C20orf203: variants seen among roughly 807,000 people sequenced by gnomAD.
The protein encoded by C20orf203 is uncharacterized protein C20orf203.
In C20orf203, 16 loss-of-function variants were observed where a neutral mutation model predicts 15.9. That is an observed-to-expected ratio of 1.01 (90% CI 0.68 to 1.53). The LOEUF (loss-of-function observed/expected upper bound fraction) is 1.53. Among genes scored for constraint, C20orf203 ranks in the 40% most tolerant of loss-of-function variants. The probability of loss-of-function intolerance (pLI) is 0.00; values close to 1 mark genes in which losing one functional copy is unlikely to be tolerated. For synonymous variants in C20orf203, 98 were observed against 97.2 expected, an observed-to-expected ratio of 1.01 and a Z score of -0.05; for missense variants, 263 against 247.5, an observed-to-expected ratio of 1.06 and a Z score of -0.42.
intron 1 of C20orf203, among the ~76,000 whole-genome samples, chr20:32,672,454 T>C (rs1983196425): frequency 6.6e-6 from 1 of 152,044 alleles, no homozygotes; most frequent in African/African-American, 2.4e-5. Context: ...ATGCCTGTAG[T>C]CCTAGCTACT....
At position 32,673,741 on chromosome 20, in the gene C20orf203, T is replaced by C. The variant is rs978031271; in HGVS notation, c.-373A>G. 1.3e-5 allele frequency: 2 copies of C among 152,274 alleles called. No individual in the cohort carries two copies. The highest frequency in any genetic ancestry group is 6.5e-5 in the Admixed American group (1 of 15,274). 9.4% of individuals were successfully genotyped at this position (152,274 alleles called of 1,614,324 possible). A position where few individuals can be genotyped will look rare whatever the true frequency, so the allele number is the denominator to read the frequency against. On this transcript the variant is annotated 5_prime_UTR_variant, in exon 1 of 6. Transcript: ENST00000608990. ...ATTCTTCAAGGGCACATAAAACATA[T>C]CTGCCTTTGCTCACTGTGATGTCTC...
chr20:32,651,993 G>A lies in C20orf203; in HGVS notation c.-263-12C>T, dbSNP rs1982641321. The A allele has an allele frequency of 6.6e-6, 1 of 152,206 alleles. No homozygotes were observed. Among genetic ancestry groups the A allele is most frequent in the Non-Finnish European group, 1.5e-5 (1 of 68,064 alleles). 9.4% of individuals were successfully genotyped at this position (152,206 alleles called of 1,614,324 possible). A position where few individuals can be genotyped will look rare whatever the true frequency, so the allele number is the denominator to read the frequency against. On this transcript the variant is annotated splice_polypyrimidine_tract_variant and intron_variant, in intron 1 of 5. Transcript: ENST00000608990. ...AAGGGGACCCCAGTCTGGAAGGAGAGAGAAAACACACATACAAATAACTAG... is the reference window on the plus strand; with the variant it reads ...AAGGGGACCCCAGTCTGGAAGGAGAAAGAAAACACACATACAAATAACTAG...
At chr20:32,638,853 C>T (rs1054056711) in intron 5 of C20orf203, among the ~76,000 whole-genome samples, 2 of 150,396 alleles carry the variant, frequency 1.3e-5, no homozygotes, top group Non-Finnish European at 3.0e-5. Context: ...GTCCCAGGCC[C>T]CTCCTCCTGC....
intron 4 of C20orf203, among the ~76,000 whole-genome samples, chr20:32,648,183 G>A (rs1433517232): frequency 1.3e-5 from 2 of 152,090 alleles, no homozygotes; most frequent in African/African-American, 4.8e-5. Context: ...AGTGGCCAGG[G>A]GTGTGGGATC....
chr20:32,672,790 CAGAAA>C (rs1983205110), intron 1 of C20orf203, among the ~76,000 whole-genome samples: 2 of 152,084 alleles, frequency 1.3e-5, no homozygotes, highest in Admixed American at 1.3e-4. Context: ...CACACAGTTC[CAGAAA>C]AGTGCTTCTC....
intron 1 of C20orf203, among the ~76,000 whole-genome samples, chr20:32,663,466 T>C (rs534077505): frequency 6.6e-6 from 1 of 152,288 alleles, no homozygotes; most frequent in South Asian, 2.1e-4. Flanking sequence ...TGATTACAAT[T>C]AAAATGCACA....
chr20:32,647,395 CAAAA>C, intron 4 of C20orf203, among the ~76,000 whole-genome samples: 1 of 94,002 alleles, frequency 1.1e-5, no homozygotes, highest in Admixed American at 1.2e-4. Flanking sequence ...AACTCCGTCT[CAAAA>C]AAAAAAAAAA....
chr20:32,664,074 A>C (rs969072461), intron 1 of C20orf203, among the ~76,000 whole-genome samples: 1 of 152,158 alleles, frequency 6.6e-6, no homozygotes, highest in African/African-American at 2.4e-5. Flanking sequence ...TCACCCTCCC[A>C]CTGTGGCCCC....
Position 32,633,780 on chromosome 20 carries a change from C to A in C20orf203, c.*1790G>T. On this transcript the variant is annotated 3_prime_UTR_variant, in exon 6 of 6. Transcript: ENST00000608990. Reference sequence around the variant, plus strand: ...TGACTCCTCCGGCCAGTCGCCCTGACAGCCCCCTCACCGCGTTGCACTACC... The same window carrying A: ...TGACTCCTCCGGCCAGTCGCCCTGAAAGCCCCCTCACCGCGTTGCACTACC... The A allele has an allele frequency of 2.7e-6, 1 of 364,284 alleles. No individual in the cohort carries two copies. Among genetic ancestry groups the A allele is most frequent in the Non-Finnish European group, 4.9e-6 (1 of 204,818 alleles). The allele number at this position is 364,284 out of a possible 1,614,324, so 22.6% of individuals were successfully genotyped here. A position where few individuals can be genotyped will look rare whatever the true frequency, so the allele number is the denominator to read the frequency against.
chr20:32,637,898 ATGTGCCTGTGTG>A (rs1184032943), intron 5 of C20orf203, among the ~76,000 whole-genome samples: 1 of 151,550 alleles, frequency 6.6e-6, no homozygotes, highest in African/African-American at 2.4e-5. Flanking sequence ...GTGTGTGTGC[ATGTGCCTGTGTG>A]TGTGCCTGTG....
At chr20:32,659,894 CAT>C (rs1982850016) in intron 1 of C20orf203, among the ~76,000 whole-genome samples, 1 of 152,198 alleles carries the variant, frequency 6.6e-6, no homozygotes, top group African/African-American at 2.4e-5. Context: ...ATTATTATGA[CAT>C]ATAATTATAT....
chr20:32,650,341 G>T lies in C20orf203; in HGVS notation c.*91C>A. 2 of 908,614 alleles carry T rather than the reference G, an allele frequency of 2.2e-6. No homozygotes were observed. The highest frequency in any genetic ancestry group is 3.4e-6 in the Non-Finnish European group (2 of 587,164). The allele number at this position is 908,614 out of a possible 1,614,324, so 56.3% of individuals were successfully genotyped here. A position where few individuals can be genotyped will look rare whatever the true frequency, so the allele number is the denominator to read the frequency against. The stretch of plus-strand genomic sequence containing the variant: ...CCCCACTCTGGGGAGCAGAATGATT[G>T]TGGGGGGTGGTAACAGGGGACACCC... On this transcript the variant is annotated 3_prime_UTR_variant, in exon 4 of 6. Coordinates refer to ENST00000608990, the MANE Select transcript of C20orf203 (RefSeq NM_182584.4).
chr20:32,669,196 G>A (rs114606696), intron 1 of C20orf203, among the ~76,000 whole-genome samples: 3,015 of 152,242 alleles, frequency 0.02, 93 homozygotes, highest in African/African-American at 0.067. Context: ...GGCCTCTCTG[G>A]GACTCAGTGC....
intron 4 of C20orf203, among the ~76,000 whole-genome samples, chr20:32,645,990 G>A (rs1180110786): frequency 6.6e-6 from 1 of 150,598 alleles, no homozygotes; most frequent in East Asian, 2.0e-4. Context: ...CTGTACCCCA[G>A]TTTCTCCATC....
chr20:32,652,272 T>C (rs1161848932), intron 1 of C20orf203, among the ~76,000 whole-genome samples: 1 of 129,934 alleles, frequency 7.7e-6, no homozygotes, highest in Non-Finnish European at 1.5e-5. Context: ...ATCGTGCCAG[T>C]GAGCTGAGAT....
intron 1 of C20orf203, among the ~76,000 whole-genome samples, chr20:32,666,852 GTC>G (rs1983048688): frequency 1.8e-5 from 2 of 110,714 alleles, no homozygotes; most frequent in African/African-American, 5.9e-5. Context: ...TAGAGATGGG[GTC>G]TTCCTTTGTT....
At chr20:32,656,176 A>T (rs1241169127) in intron 1 of C20orf203, among the ~76,000 whole-genome samples, 1 of 152,212 alleles carries the variant, frequency 6.6e-6, no homozygotes, top group African/African-American at 2.4e-5. Context: ...TTTACAAATT[A>T]CTCAGTCTCA....
chr20:32,656,017 G>C (rs902254157), intron 1 of C20orf203, among the ~76,000 whole-genome samples: 1 of 152,140 alleles, frequency 6.6e-6, no homozygotes, highest in Non-Finnish European at 1.5e-5. Context: ...GAAGGAGGCT[G>C]GCAGTGCCCA....
chr20:32,654,406 G>A (rs1167956372), intron 1 of C20orf203, among the ~76,000 whole-genome samples: 1 of 152,142 alleles, frequency 6.6e-6, no homozygotes, highest in Non-Finnish European at 1.5e-5. Context: ...CCATTAAGAT[G>A]GCAAGACTCC....
Sources: gnomAD v4.1 joint callset for allele counts (sites outside exome capture counted in the v4.1 genomes callset) on GRCh38, gnomAD v4.1.1 for gene constraint, MANE v1.5 for transcripts, NCBI Gene and HGNC (gene_info 2026-07-23, HGNC 2026-07-21) for gene names.